The following EXOC4 variants were observed in gnomAD, a reference collection of about 807,000 sequenced individuals.
EXOC4 encodes SEC8-like 1.
EXOC4 carries 71 observed loss-of-function variants against 107.2 expected under a neutral mutation model. The observed-to-expected ratio is 0.66, with a 90% CI of 0.55 to 0.81. EXOC4 has a LOEUF of 0.81. Among genes scored for constraint, EXOC4 ranks in the 30% least tolerant of loss-of-function variants. The probability of loss-of-function intolerance (pLI) is 0.00; values close to 1 mark genes in which losing one functional copy is unlikely to be tolerated. For synonymous variants in EXOC4, 456 were observed against 441.2 expected (o/e 1.03, Z -0.42); for missense variants, 1,108 against 1,189.6 (o/e 0.93, Z 1.01).
chr7:133,253,684 A>G, intron 1 of EXOC4: 2 of 209,770 alleles, frequency 9.5e-6, no homozygotes, highest in Non-Finnish European at 1.7e-5. Flanking sequence ...AGCCACAAAT[A>G]CAAGAATCTG....
intron 10 of EXOC4, among the ~76,000 whole-genome samples, chr7:133,767,316 C>T (rs1796159345): frequency 6.6e-6 from 1 of 151,822 alleles, no homozygotes; most frequent in African/African-American, 2.4e-5. Flanking sequence ...CCTCAGAGTC[C>T]TTATTTATAA....
intron 10 of EXOC4, chr7:133,733,030 G>C (rs1023296105): frequency 5.6e-6 from 1 of 177,454 alleles, no homozygotes. Flanking sequence ...TAATCAGCCT[G>C]AATTTTCTAA....
intron 17 of EXOC4, among the ~76,000 whole-genome samples, chr7:134,030,950 C>G (rs1330878384): frequency 1.3e-5 from 2 of 152,104 alleles, no homozygotes; most frequent in Non-Finnish European, 2.9e-5. Context: ...CCTGACTGAT[C>G]TCCTACAACA....
At chr7:134,012,301 G>A (rs187983224) in intron 17 of EXOC4, among the ~76,000 whole-genome samples, 6 of 152,284 alleles carry the variant, frequency 3.9e-5, no homozygotes, top group Admixed American at 3.9e-4. Flanking sequence ...AGAAAACTGT[G>A]GCAATAATCT....
intron 5 of EXOC4, among the ~76,000 whole-genome samples, chr7:133,345,188 A>AT (rs1266230978): frequency 4.6e-5 from 7 of 152,136 alleles, no homozygotes; most frequent in Non-Finnish European, 8.8e-5. Flanking sequence ...ATCTCATTAA[A>AT]TTTGCACATC....
At chr7:133,821,301 G>T (rs1483938816) in intron 11 of EXOC4, among the ~76,000 whole-genome samples, 2 of 152,222 alleles carry the variant, frequency 1.3e-5, no homozygotes, top group South Asian at 2.1e-4. Context: ...TAAATAACTT[G>T]CCCACAGTCA....
In EXOC4 at chr7:133,917,629, G is replaced by A; in HGVS notation, c.1918G>A (p.Ala640Thr). Residue 640 changes from alanine to threonine, a missense_variant, in exon 13 of 18, where the codon GCA becomes ACA. Coordinates refer to ENST00000253861, the MANE Select transcript of EXOC4 (RefSeq NM_021807.4). ...EEKLVISASW[A>T]KDDDISRLLK... ...AAAACTTGTCATCAGTGCATCCTGG[G>A]CAAAAGATGATGATATCAGCAGACT... 6.2e-7 allele frequency: 1 copy of A among 1,614,046 alleles called. No individual in the cohort carries two copies. The highest frequency in any genetic ancestry group is 1.1e-5 in the South Asian group (1 of 91,068).
Position 134,064,622 on chromosome 7 carries a change from C to T in EXOC4, c.*94C>T, listed in dbSNP as rs1796144138. On this transcript the variant is annotated 3_prime_UTR_variant, in exon 18 of 18. Coordinates refer to ENST00000253861, the MANE Select transcript of EXOC4 (RefSeq NM_021807.4). ...GAGTATATTCTGAGCTTAGTTTTCT[C>T]TACAGTGATACTTTAGTGGAGAGGA... The T allele has an allele frequency of 1.2e-6, 1 of 828,522 alleles. No individual in the cohort carries two copies. The highest frequency in any genetic ancestry group is 1.8e-6 in the Non-Finnish European group (1 of 541,562). The allele number at this position is 828,522 out of a possible 1,614,324, so 51.3% of individuals were successfully genotyped here.
intron 7 of EXOC4, among the ~76,000 whole-genome samples, chr7:133,415,419 T>A (rs1047097308): frequency 6.6e-6 from 1 of 152,190 alleles, no homozygotes; most frequent in Non-Finnish European, 1.5e-5. Context: ...CATATCCTTG[T>A]TGATACTTGT....
chr7:133,651,469 T>A (rs1354948084), intron 10 of EXOC4, among the ~76,000 whole-genome samples: 1 of 152,206 alleles, frequency 6.6e-6, no homozygotes, highest in African/African-American at 2.4e-5. Context: ...TGAAAAATTA[T>A]CACATTATCA....
intron 9 of EXOC4, among the ~76,000 whole-genome samples, chr7:133,487,033 T>C (rs1009727472): frequency 2.0e-5 from 3 of 152,244 alleles, no homozygotes; most frequent in Non-Finnish European, 2.9e-5. Flanking sequence ...TCTTTAGTTA[T>C]GGATTTACTT....
At chr7:133,367,449 A>T (rs1331161415) in intron 6 of EXOC4, among the ~76,000 whole-genome samples, 1 of 152,114 alleles carries the variant, frequency 6.6e-6, no homozygotes, top group Non-Finnish European at 1.5e-5. Context: ...TCTTGGATGG[A>T]GCAAAATAAT....
the EXOC4 span, among the ~76,000 whole-genome samples, chr7:134,085,791 G>A: frequency 6.6e-6 from 1 of 152,196 alleles, no homozygotes; most frequent in Admixed American, 6.5e-5. Flanking sequence ...GCCTGAGGCT[G>A]CAATACCAGT....
At chr7:133,633,626 G>A (rs2151018069) in intron 10 of EXOC4, among the ~76,000 whole-genome samples, 1 of 152,236 alleles carries the variant, frequency 6.6e-6, no homozygotes, top group Non-Finnish European at 1.5e-5. Flanking sequence ...GGCTGAGGCA[G>A]GAGAATCACT....
chr7:133,986,733 CA>C (rs1794123879), intron 14 of EXOC4, among the ~76,000 whole-genome samples: 1 of 152,124 alleles, frequency 6.6e-6, no homozygotes, highest in Non-Finnish European at 1.5e-5. Flanking sequence ...TTAGTTTGTA[CA>C]GGTTTGCAAA....
At chr7:133,975,203 A>T (rs1179830666) in intron 14 of EXOC4, among the ~76,000 whole-genome samples, 1 of 152,222 alleles carries the variant, frequency 6.6e-6, no homozygotes. Context: ...TGATATTTTC[A>T]TAAAAGTATA....
chr7:134,016,196 C>T (rs773147104), intron 17 of EXOC4, among the ~76,000 whole-genome samples: 3 of 152,118 alleles, frequency 2.0e-5, no homozygotes, highest in African/African-American at 7.2e-5. Context: ...GTGGAGACAT[C>T]TAACATGCAA....
At chr7:133,719,382 A>C (rs1481011098) in intron 10 of EXOC4, among the ~76,000 whole-genome samples, 1 of 152,162 alleles carries the variant, frequency 6.6e-6, no homozygotes, top group African/African-American at 2.4e-5. Flanking sequence ...AAGAATTTTT[A>C]GGAAAAATAG....
rs868673092 is a variant in EXOC4 at position 133,404,902 on chromosome 7, A to G, written c.1182+29900A>G. Among the ~76,000 whole-genome samples the G allele has an allele frequency of 3.8e-3, 18 of 4,738 alleles. No homozygotes were observed. The South Asian group carries it at 0.1, about 26-fold the overall frequency. The allele number at this position is 4,738 out of a possible 152,430, so 3.1% of individuals were successfully genotyped here. ...CCCCCCAATACACACACACACACAC[A>G]CGCACACACACACACACACACATTA... On this transcript the variant is annotated intron_variant, in intron 7 of 17. Transcript: ENST00000253861.
Sources: allele counts gnomAD v4.1 joint callset (sites outside exome capture counted in the v4.1 genomes callset), GRCh38; gene constraint gnomAD v4.1.1; transcripts MANE v1.5; gene names NCBI Gene and HGNC (gene_info 2026-07-23, HGNC 2026-07-21).